BAIAP2: variants seen among roughly 807,000 people sequenced by gnomAD.
The protein encoded by BAIAP2 is BAR/IMD domain containing adaptor protein 2, also known as BAR/IMD domain-containing adapter protein 2.
BAIAP2 carries 18 observed loss-of-function variants against 63.0 expected under a neutral mutation model. The observed-to-expected ratio is 0.29, with a 90% CI of 0.20 to 0.42. The LOEUF (loss-of-function observed/expected upper bound fraction) is 0.42. BAIAP2 is among the 10% of genes least tolerant of loss of function. The pLI, the probability that BAIAP2 is intolerant of heterozygous loss-of-function variation, is 1.00. For synonymous variants in BAIAP2, 386 were observed against 307.6 expected (o/e 1.25, Z -2.67); for missense variants, 610 against 734.3 (o/e 0.83, Z 1.96).
intron 3 of BAIAP2, chr17:81,076,518 G>A (rs573770288): frequency 6.6e-6 from 1 of 152,230 alleles, no homozygotes; most frequent in Non-Finnish European, 1.5e-5. Flanking sequence ...ACACACATCA[G>A]GAAGACAGAT....
At chr17:81,077,430 T>A (rs978064780) in intron 3 of BAIAP2, among the ~76,000 whole-genome samples, 1 of 151,900 alleles carries the variant, frequency 6.6e-6, no homozygotes, top group Non-Finnish European at 1.5e-5. Flanking sequence ...TAGCTGGGCG[T>A]GGTGGCGCAC....
At chr17:81,071,887 G>T (rs568377840) in intron 3 of BAIAP2, among the ~76,000 whole-genome samples, 35 of 152,366 alleles carry the variant, frequency 2.3e-4, no homozygotes, top group Middle Eastern at 3.4e-3. Context: ...AGCGTGGCAC[G>T]GAGGCGCCGG....
chr17:81,041,947 T>C (rs188160717), intron 1 of BAIAP2, among the ~76,000 whole-genome samples: 3 of 152,218 alleles, frequency 2.0e-5, no homozygotes, highest in East Asian at 1.9e-4. Flanking sequence ...TTAAAACTTA[T>C]TTTTCATGAA....
At chr17:81,099,263 C>T (rs1302595369) in intron 6 of BAIAP2, among the ~76,000 whole-genome samples, 8 of 151,432 alleles carry the variant, frequency 5.3e-5, no homozygotes, top group African/African-American at 1.5e-4. Flanking sequence ...CACGCTTATC[C>T]GGAAACCAGG....
At chr17:81,051,008 A>G (rs1030188262) in intron 1 of BAIAP2, among the ~76,000 whole-genome samples, 6 of 151,252 alleles carry the variant, frequency 4.0e-5, no homozygotes, top group African/African-American at 1.5e-4. Flanking sequence ...TCTGCTGGTA[A>G]CTCTTCAGGC....
chr17:81,079,684 C>T lies in BAIAP2; in HGVS notation c.218-5148C>T, dbSNP rs537978206. Reference sequence around the variant, plus strand: ...TTCCATCACCCCCAACACCCCAGATCCCCGGATCCTTCTGATGGCGACGGC... The same window carrying T: ...TTCCATCACCCCCAACACCCCAGATTCCCGGATCCTTCTGATGGCGACGGC... On this transcript the variant is annotated intron_variant, in intron 3 of 13. Coordinates refer to ENST00000428708, the MANE Select transcript of BAIAP2 (RefSeq NM_001144888.2). Among the ~76,000 whole-genome samples, 265 of 152,336 alleles carry T rather than the reference C, an allele frequency of 1.7e-3. 2 individuals carry two copies. The highest frequency in any genetic ancestry group is 6.1e-3 in the African/African-American group (255 of 41,574).
intron 3 of BAIAP2, among the ~76,000 whole-genome samples, chr17:81,061,736 G>C (rs1285614548): frequency 6.6e-6 from 1 of 152,094 alleles, no homozygotes; most frequent in Non-Finnish European, 1.5e-5. Flanking sequence ...TTAATTAACT[G>C]ATGTTGTGGA....
intron 7 of BAIAP2, 35 bp downstream of exon 7, chr17:81,100,115 G>T (rs548443352): frequency 6.3e-7 from 1 of 1,579,490 alleles, no homozygotes; most frequent in South Asian, 1.1e-5. Flanking sequence ...TGCCGGCGCT[G>T]GGCCTTGCTG....
At chr17:81,051,435 C>G (rs940436277) in intron 1 of BAIAP2, among the ~76,000 whole-genome samples, 1 of 152,222 alleles carries the variant, frequency 6.6e-6, no homozygotes, top group South Asian at 2.1e-4. Flanking sequence ...GAGTCTCACT[C>G]TGTTGCCAGG....
At chr17:81,104,942 G>GA in intron 10 of BAIAP2, 1 of 540,012 alleles carries the variant, frequency 1.9e-6, no homozygotes, top group Non-Finnish European at 3.3e-6. Context: ...CTCCCTGCAG[G>GA]GGTCTTCCCC....
At chr17:81,040,576 C>G (rs945252587) in intron 1 of BAIAP2, among the ~76,000 whole-genome samples, 1 of 152,250 alleles carries the variant, frequency 6.6e-6, no homozygotes, top group East Asian at 1.9e-4. Flanking sequence ...CATGGAACGG[C>G]GGCCAGCCTG....
At chr17:81,062,982 C>T (rs117020991) in intron 3 of BAIAP2, among the ~76,000 whole-genome samples, 2,086 of 147,532 alleles carry the variant, frequency 0.014, 30 homozygotes, top group Admixed American at 0.027. Flanking sequence ...AATTTCCTGC[C>T]GATATCTTTC....
At chr17:81,042,595 T>C (rs2047238934) in intron 1 of BAIAP2, among the ~76,000 whole-genome samples, 1 of 152,058 alleles carries the variant, frequency 6.6e-6, no homozygotes, top group Non-Finnish European at 1.5e-5. Context: ...AGGTGGGCCA[T>C]GCCAGGTGAC....
intron 3 of BAIAP2, among the ~76,000 whole-genome samples, chr17:81,079,298 G>A (rs560603486): frequency 9.8e-5 from 15 of 152,314 alleles, no homozygotes; most frequent in South Asian, 4.1e-4. Flanking sequence ...AGGCAGTCCC[G>A]TGGAGCGGGT....
intron 7 of BAIAP2, 29 bp downstream of exon 7, chr17:81,100,109 G>A (rs753647622): frequency 2.1e-5 from 34 of 1,587,636 alleles, no homozygotes; most frequent in Middle Eastern, 2.3e-4. Context: ...GCGCTGTGCC[G>A]GCGCTGGGCC....
At chr17:81,109,957 A>C (rs914878320) in intron 13 of BAIAP2, 2 of 985,304 alleles carry the variant, frequency 2.0e-6, no homozygotes, top group African/African-American at 3.5e-5. Flanking sequence ...ACCTGGGGGA[A>C]ACAGGCGGTT....
At chr17:81,067,313 C>T (rs753156360) in intron 3 of BAIAP2, among the ~76,000 whole-genome samples, 59 of 152,364 alleles carry the variant, frequency 3.9e-4, no homozygotes, top group Non-Finnish European at 5.9e-4. Flanking sequence ...AGGCCCCCAC[C>T]GCCTGTTCGC....
chr17:81,074,081 A>G (rs796276036), intron 3 of BAIAP2, among the ~76,000 whole-genome samples: 10 of 152,384 alleles, frequency 6.6e-5, no homozygotes, highest in African/African-American at 2.2e-4. Flanking sequence ...TCGTCGGGCC[A>G]TTCAGGAGCA....
chr17:81,067,020 A>AT (rs1250630023), intron 3 of BAIAP2, among the ~76,000 whole-genome samples: 2 of 152,232 alleles, frequency 1.3e-5, no homozygotes, highest in Non-Finnish European at 2.9e-5. Flanking sequence ...AGGGGGCCTG[A>AT]CACGGAGGTC....
Sources: allele counts gnomAD v4.1 joint callset (sites outside exome capture counted in the v4.1 genomes callset), GRCh38; gene constraint gnomAD v4.1.1; transcripts MANE v1.5; gene names NCBI Gene and HGNC (gene_info 2026-07-23, HGNC 2026-07-21).